COL24A1: variants seen among roughly 807,000 people sequenced by gnomAD.
The protein encoded by COL24A1 is collagen type XXIV alpha 1 chain, also known as collagen alpha-1(XXIV) chain.
Under a neutral mutation model 253.9 loss-of-function variants are expected in COL24A1, and 224 were observed. The ratio of observed to expected loss-of-function variants is 0.88; its 90% CI spans 0.79 to 0.99. The LOEUF (loss-of-function observed/expected upper bound fraction) is 0.99. Among genes scored for constraint, COL24A1 ranks in the 50% least tolerant of loss-of-function variants. COL24A1 has a pLI of 0.00. For synonymous variants in COL24A1, 685 were observed against 673.7 expected (o/e 1.02, Z -0.26); for missense variants, 2,131 against 2,068.5 (o/e 1.03, Z -0.59).
intron 34 of COL24A1, 67 bp downstream of exon 34, chr1:85,875,210 T>G (rs1680997969): frequency 2.2e-6 from 3 of 1,360,408 alleles, no homozygotes; most frequent in Non-Finnish European, 3.1e-6. Flanking sequence ...GGGGATTCAA[T>G]GGTAGCAAAT....
At chr1:86,107,963 A>C (rs1345149812) in intron 5 of COL24A1, among the ~76,000 whole-genome samples, 2 of 152,078 alleles carry the variant, frequency 1.3e-5, no homozygotes, top group East Asian at 3.9e-4. Context: ...AAGAGGCCTA[A>C]GTTTTTGCAA....
chr1:86,099,570 T>C (rs932763606), intron 5 of COL24A1, among the ~76,000 whole-genome samples: 3 of 152,226 alleles, frequency 2.0e-5, no homozygotes, highest in Admixed American at 6.5e-5. Flanking sequence ...GGTCCCATAA[T>C]AGCAGCTGTT....
At chr1:86,109,507 A>C (rs1454517646) in intron 5 of COL24A1, among the ~76,000 whole-genome samples, 1 of 152,206 alleles carries the variant, frequency 6.6e-6, no homozygotes. Context: ...AAAAGGAAAG[A>C]AGCTTAATGA....
chr1:85,735,220 A>C (rs1663921261), intron 58 of COL24A1, among the ~76,000 whole-genome samples: 1 of 152,208 alleles, frequency 6.6e-6, no homozygotes, highest in Non-Finnish European at 1.5e-5. Flanking sequence ...GGCTGAATTC[A>C]GACTACCAAG....
At chr1:85,793,379 C>A (rs1330546545) in intron 47 of COL24A1, among the ~76,000 whole-genome samples, 1 of 147,636 alleles carries the variant, frequency 6.8e-6, no homozygotes, top group East Asian at 2.0e-4. Flanking sequence ...TTTTAAGGAA[C>A]AAATTACAAG....
chr1:86,135,184 T>G (rs1378444185), intron 2 of COL24A1, among the ~76,000 whole-genome samples: 1 of 152,060 alleles, frequency 6.6e-6, no homozygotes, highest in African/African-American at 2.4e-5. Flanking sequence ...CTGCCTTTTT[T>G]TGTTTTCCAT....
chr1:85,769,239 C>G (rs1667705789), intron 53 of COL24A1, among the ~76,000 whole-genome samples: 1 of 152,070 alleles, frequency 6.6e-6, no homozygotes, highest in Non-Finnish European at 1.5e-5. Flanking sequence ...CAAAAATCAA[C>G]AGTTAAAATG....
intron 47 of COL24A1, among the ~76,000 whole-genome samples, chr1:85,807,341 C>G (rs1045069782): frequency 5.9e-5 from 9 of 152,170 alleles, no homozygotes; most frequent in Admixed American, 6.5e-5. Flanking sequence ...CATTCTTTAC[C>G]ACAGAGTTAA....
At chr1:85,813,423 G>GA (rs71078625) in intron 47 of COL24A1, among the ~76,000 whole-genome samples, 49,002 of 119,690 alleles carry the variant, frequency 0.41, 9,391 homozygotes, top group Non-Finnish European at 0.48. Flanking sequence ...AAACCTTAAA[G>GA]AAAAAAAAAA....
intron 5 of COL24A1, among the ~76,000 whole-genome samples, chr1:86,099,235 T>C (rs903942948): frequency 6.6e-6 from 1 of 152,114 alleles, no homozygotes; most frequent in African/African-American, 2.4e-5. Flanking sequence ...TCAAATTTTG[T>C]GAGATGCAGT....
chr1:85,883,113 C>T (rs1402899902), intron 32 of COL24A1, among the ~76,000 whole-genome samples: 1 of 152,062 alleles, frequency 6.6e-6, no homozygotes, highest in Non-Finnish European at 1.5e-5. Flanking sequence ...CTGTGGACTG[C>T]GTTAGTTTTC....
At chr1:85,874,578 TCGA>T (rs1481987836) in intron 35 of COL24A1, 68 bp downstream of exon 35, 41 of 1,383,388 alleles carry the variant, frequency 3.0e-5, no homozygotes, top group Non-Finnish European at 4.1e-5. Flanking sequence ...TTTGAGTGTT[TCGA>T]ATAATAAGTT....
At chr1:86,133,223 G>A (rs1649583037) in intron 2 of COL24A1, among the ~76,000 whole-genome samples, 1 of 152,078 alleles carries the variant, frequency 6.6e-6, no homozygotes, top group African/African-American at 2.4e-5. Flanking sequence ...CTTTGCTGAA[G>A]TTGCTTATCA....
intron 3 of COL24A1, among the ~76,000 whole-genome samples, chr1:86,122,281 T>C (rs1299305860): frequency 6.6e-6 from 1 of 152,070 alleles, no homozygotes; most frequent in Admixed American, 6.6e-5. Flanking sequence ...GCTTCTTTCA[T>C]ATTTTGATAT....
At chr1:86,134,047 G>C (rs1247230274) in intron 2 of COL24A1, among the ~76,000 whole-genome samples, 1 of 152,086 alleles carries the variant, frequency 6.6e-6, no homozygotes, top group African/African-American at 2.4e-5. Context: ...GGTCTATGAA[G>C]AGATTCAACT....
intron 20 of COL24A1, 127 bp downstream of exon 20, chr1:85,987,474 G>T: frequency 1.2e-6 from 1 of 807,250 alleles, no homozygotes; most frequent in East Asian, 2.7e-5. Flanking sequence ...TTTATTAAAT[G>T]TACCTGAGAC....
chr1:85,967,940 G>A (rs957903492), intron 22 of COL24A1, among the ~76,000 whole-genome samples: 4 of 152,152 alleles, frequency 2.6e-5, no homozygotes, highest in Non-Finnish European at 5.9e-5. Flanking sequence ...TGAGTCAGTG[G>A]GCTGGGGAAG....
intron 37 of COL24A1, among the ~76,000 whole-genome samples, chr1:85,856,964 G>T (rs1481965502): frequency 6.6e-6 from 1 of 152,070 alleles, no homozygotes; most frequent in African/African-American, 2.4e-5. Flanking sequence ...GAAGGATGAG[G>T]ATATGACATA....
chr1:86,001,695 A>G (rs1016317825), intron 19 of COL24A1, among the ~76,000 whole-genome samples: 1 of 152,178 alleles, frequency 6.6e-6, no homozygotes, highest in Non-Finnish European at 1.5e-5. Context: ...TATAGGGGAA[A>G]AAAAAGAGCA....
Sources: allele counts gnomAD v4.1 joint callset (sites outside exome capture counted in the v4.1 genomes callset), GRCh38; gene constraint gnomAD v4.1.1; transcripts MANE v1.5; gene names NCBI Gene and HGNC (gene_info 2026-07-23, HGNC 2026-07-21).